ABCA12: variants seen among roughly 807,000 people sequenced by gnomAD.
ABCA12 encodes glucosylceramide transporter ABCA12.
In ABCA12, 156 loss-of-function variants were observed where a neutral mutation model predicts 293.5. That is an observed-to-expected ratio of 0.53 (90% CI 0.47 to 0.61). The LOEUF is 0.61. ABCA12 is among the 20% of genes least tolerant of loss of function. ABCA12 has a pLI of 0.00. For synonymous variants in ABCA12, 1,063 were observed against 1,108.0 expected, an observed-to-expected ratio of 0.96 and a Z score of 0.81; for missense variants, 2,797 against 3,090.2, an observed-to-expected ratio of 0.91 and a Z score of 2.25.
At chr2:215,134,198 T>A (rs2105920657) in intron 1 of ABCA12, among the ~76,000 whole-genome samples, 1 of 150,780 alleles carries the variant, frequency 6.6e-6, no homozygotes, top group East Asian at 1.9e-4. Context: ...TAGCTGTTTG[T>A]AATTCTCTTC....
At chr2:214,944,336 C>T (rs193032275) in intron 49 of ABCA12, among the ~76,000 whole-genome samples, 1,689 of 151,894 alleles carry the variant, frequency 0.011, 20 homozygotes, top group Middle Eastern at 0.027. Context: ...TGCTTGAACC[C>T]GGGAGGTGGA....
chr2:214,986,729 C>T lies in ABCA12; in HGVS notation c.3977-1G>A. The T allele has an allele frequency of 6.2e-7, 1 of 1,613,936 alleles. No individual in the cohort carries two copies. Among genetic ancestry groups the T allele is most frequent in the Non-Finnish European group, 8.5e-7 (1 of 1,179,884 alleles). The stretch of plus-strand genomic sequence containing the variant: ...TTAGAGGAAAACATGTATTCAGGAC[C>T]TGGAGAGAAATCAAGGGAAGAGTTG... On this transcript the variant is annotated splice_acceptor_variant, in intron 27 of 52. Coordinates refer to ENST00000272895, the MANE Select transcript of ABCA12 (RefSeq NM_173076.3). LOFTEE classifies it high-confidence loss of function.
intron 2 of ABCA12, among the ~76,000 whole-genome samples, chr2:215,078,195 C>T (rs903900088): frequency 2.0e-5 from 3 of 152,220 alleles, no homozygotes; most frequent in South Asian, 4.2e-4. Context: ...TAAATGATAC[C>T]GCTTTATTAG....
intron 7 of ABCA12, among the ~76,000 whole-genome samples, chr2:215,039,702 C>T (rs1046972517): frequency 6.6e-6 from 1 of 151,914 alleles, no homozygotes; most frequent in African/African-American, 2.4e-5. Context: ...TTGCAGTGAG[C>T]CCAGATCCCG....
Position 215,007,769 on chromosome 2 carries a change from C to T in ABCA12, c.2550G>A (p.Met850Ile). The T allele has an allele frequency of 6.2e-7, 1 of 1,614,036 alleles. No individual in the cohort carries two copies. Among genetic ancestry groups the T allele is most frequent in the Non-Finnish European group, 8.5e-7 (1 of 1,179,946 alleles). The change falls in exon 19 of 53, where the codon ATG becomes ATA. Residue 850 changes from methionine to isoleucine, a missense_variant. By Grantham distance (10) the Met-to-Ile change is conservative. Transcript: ENST00000272895. ...CCTGGTTTAACAGATGGAAGGAATT[C>T]ATGAAAAGTGGCGACTTATCCATCC... ...QEWMDKSPLFMNSFHLLNQAI... is the reference protein window; with the variant it reads ...QEWMDKSPLFINSFHLLNQAI...
chr2:214,950,380 ATATCTGTGTGTGTGTG>A (rs1559109199), intron 45 of ABCA12, among the ~76,000 whole-genome samples: 1 of 135,144 alleles, frequency 7.4e-6, no homozygotes, highest in African/African-American at 3.0e-5. Context: ...GTGTATATAT[ATATCTGTGTGTGTGTG>A]TGTGTGTGTG....
Position 215,001,745 on chromosome 2 carries a change from G to A in ABCA12, c.2684-8C>T, listed in dbSNP as rs771703798. The A allele has an allele frequency of 3.1e-6, 5 of 1,611,738 alleles. No individual in the cohort carries two copies. Among genetic ancestry groups the A allele is most frequent in the Non-Finnish European group, 4.2e-6 (5 of 1,179,120 alleles). ...ATTTCAGTCTTAGAATATCTAAAGA[G>A]GCAAAGCAAAAGAGACAAAAAAAAA... On this transcript the variant is annotated splice_polypyrimidine_tract_variant and splice_region_variant and intron_variant, in intron 20 of 52. Transcript: ENST00000272895.
At chr2:214,960,319 C>T (rs1026829780) in intron 39 of ABCA12, 2 of 152,030 alleles carry the variant, frequency 1.3e-5, no homozygotes, top group Non-Finnish European at 2.9e-5. Context: ...CCTGGGGGCT[C>T]TACTTAAACC....
At chr2:214,970,812 T>C (rs900493083) in intron 36 of ABCA12, among the ~76,000 whole-genome samples, 6 of 152,276 alleles carry the variant, frequency 3.9e-5, no homozygotes, top group Admixed American at 3.3e-4. Flanking sequence ...CAAGGATTGA[T>C]AGCAGTGGAT....
At chr2:215,014,662 G>A (rs1229902136) in intron 15 of ABCA12, among the ~76,000 whole-genome samples, 1 of 152,116 alleles carries the variant, frequency 6.6e-6, no homozygotes, top group African/African-American at 2.4e-5. Flanking sequence ...AAGGGATATG[G>A]TTAGGAGACC....
chr2:215,114,154 T>C (rs1702638867), intron 1 of ABCA12, among the ~76,000 whole-genome samples: 1 of 152,140 alleles, frequency 6.6e-6, no homozygotes, highest in Non-Finnish European at 1.5e-5. Flanking sequence ...TTTGTATTTT[T>C]AGTAGAGACG....
At chr2:214,949,835 G>A (rs1407089676) in intron 45 of ABCA12, among the ~76,000 whole-genome samples, 2 of 152,206 alleles carry the variant, frequency 1.3e-5, no homozygotes, top group South Asian at 2.1e-4. Flanking sequence ...TAAGTGGACA[G>A]TAGTTTAGGA....
chr2:215,004,165 T>A, intron 20 of ABCA12, 44 bp downstream of exon 20: 1 of 1,491,090 alleles, frequency 6.7e-7, no homozygotes, highest in African/African-American at 1.4e-5. Flanking sequence ...TGTTTATATG[T>A]CCGACATGAC....
chr2:215,103,556 C>G (rs1702402988), intron 2 of ABCA12, among the ~76,000 whole-genome samples: 1 of 152,072 alleles, frequency 6.6e-6, no homozygotes, highest in Admixed American at 6.6e-5. Context: ...TAGGCATGAG[C>G]CATGGCACCT....
At chr2:215,086,641 G>A (rs1479338451) in intron 2 of ABCA12, among the ~76,000 whole-genome samples, 1 of 152,142 alleles carries the variant, frequency 6.6e-6, no homozygotes, top group Non-Finnish European at 1.5e-5. Flanking sequence ...CTCACCGTAT[G>A]ATTCTGGAGC....
intron 2 of ABCA12, among the ~76,000 whole-genome samples, chr2:215,069,543 A>G (rs1489041081): frequency 6.6e-6 from 1 of 152,202 alleles, no homozygotes; most frequent in African/African-American, 2.4e-5. Context: ...AGACAAGTTA[A>G]ATTGTAAATG....
chr2:214,937,672 C>T, intron 50 of ABCA12, 57 bp from the exon 51 acceptor site: 3 of 1,285,028 alleles, frequency 2.3e-6, no homozygotes, highest in Non-Finnish European at 3.4e-6. Context: ...AATAGCTCCT[C>T]TGGAATTCTA....
intron 36 of ABCA12, among the ~76,000 whole-genome samples, chr2:214,973,454 G>C (rs907300038): frequency 6.6e-6 from 1 of 152,152 alleles, no homozygotes; most frequent in Non-Finnish European, 1.5e-5. Flanking sequence ...CGCATCAATA[G>C]AATACAGACA....
At chr2:215,118,099 T>C (rs1246401632) in intron 1 of ABCA12, among the ~76,000 whole-genome samples, 1 of 152,102 alleles carries the variant, frequency 6.6e-6, no homozygotes, top group Non-Finnish European at 1.5e-5. Context: ...AGGCTGGTTA[T>C]GTCAAAAATA....
Sources: gnomAD v4.1 joint callset for allele counts (sites outside exome capture counted in the v4.1 genomes callset) on GRCh38, gnomAD v4.1.1 for gene constraint, MANE v1.5 for transcripts, NCBI Gene and HGNC (gene_info 2026-07-23, HGNC 2026-07-21) for gene names.